The following ABCC4 variants were observed in gnomAD, a reference collection of about 807,000 sequenced individuals.
The protein encoded by ABCC4 is ATP binding cassette subfamily C member 4 (PEL blood group).
ABCC4 carries 102 observed loss-of-function variants against 168.5 expected under a neutral mutation model. The observed-to-expected ratio is 0.61, with a 90% CI of 0.52 to 0.71. ABCC4 has a LOEUF of 0.71. ABCC4 is among the 30% of genes least tolerant of loss of function. ABCC4 has a pLI of 0.00. For missense variants in ABCC4, 1,402 were observed against 1,605.8 expected (o/e 0.87, Z 2.17); for synonymous variants, 617 against 590.7 (o/e 1.04, Z -0.65).
chr13:95,130,786 T>C (rs989204305), intron 19 of ABCC4, among the ~76,000 whole-genome samples: 1 of 152,176 alleles, frequency 6.6e-6, no homozygotes, highest in African/African-American at 2.4e-5. Flanking sequence ...CAGCTGACAA[T>C]TACCAATTTG....
At chr13:95,148,039 G>A (rs894654477) in intron 19 of ABCC4, among the ~76,000 whole-genome samples, 1 of 151,640 alleles carries the variant, frequency 6.6e-6, no homozygotes, top group Non-Finnish European at 1.5e-5. Context: ...ATTTTTCTTT[G>A]CATCCAGGAA....
chr13:95,180,122 G>A lies in ABCC4; in HGVS notation c.1546-2031C>T, dbSNP rs772451151. On this transcript the variant is annotated intron_variant, in intron 11 of 30. Coordinates refer to ENST00000645237, the MANE Select transcript of ABCC4 (RefSeq NM_005845.5). ...CCTGGCAGCCCACTAAGACACACAG[G>A]AGTCCCCTAATACTCCAATCTGAAC... Among the ~76,000 whole-genome samples the A allele has an allele frequency of 1.6e-4, 24 of 152,128 alleles. 1 individual carries two copies. Among genetic ancestry groups the A allele is most frequent in the Non-Finnish European group, 2.4e-4 (16 of 68,022 alleles).
intron 1 of ABCC4, among the ~76,000 whole-genome samples, chr13:95,266,799 T>C (rs1469457152): frequency 1.3e-5 from 2 of 150,200 alleles, no homozygotes; most frequent in East Asian, 3.9e-4. Context: ...CCAGCTGATA[T>C]GGTTTGGTTG....
chr13:95,237,613 T>A (rs2039809930), intron 3 of ABCC4, among the ~76,000 whole-genome samples: 2 of 152,148 alleles, frequency 1.3e-5, no homozygotes, highest in African/African-American at 4.8e-5. Flanking sequence ...TGAAGGCAGA[T>A]ACTTCTCAAT....
At chr13:95,121,522 C>T (rs921949973) in intron 19 of ABCC4, among the ~76,000 whole-genome samples, 2 of 151,240 alleles carry the variant, frequency 1.3e-5, no homozygotes, top group Non-Finnish European at 2.9e-5. Flanking sequence ...GATCCTCCTG[C>T]CTCAGCCTCC....
At chr13:95,095,721 T>C (rs2139359980) in intron 20 of ABCC4, 1 of 153,964 alleles carries the variant, frequency 6.5e-6, no homozygotes, top group African/African-American at 2.4e-5. Context: ...GACACTGAAA[T>C]AGATACAGAT....
Position 95,218,379 on chromosome 13 carries a change from G to A in ABCC4, c.532-7598C>T, listed in dbSNP as rs930872856. On this transcript the variant is annotated intron_variant, in intron 4 of 30. Coordinates refer to ENST00000645237, the MANE Select transcript of ABCC4 (RefSeq NM_005845.5). ...GTAAACATGATGGGTGACTACCAAA[G>A]TCACATTCCTTCTCTAATTCTGTAA... Among the ~76,000 whole-genome samples, 4 of 152,184 alleles carry A rather than the reference G, an allele frequency of 2.6e-5. 1 individual carries two copies. In the South Asian group the frequency reaches 8.3e-4, roughly 31 times the overall value.
At chr13:95,221,304 C>A (rs1277025514) in intron 4 of ABCC4, among the ~76,000 whole-genome samples, 2 of 152,320 alleles carry the variant, frequency 1.3e-5, no homozygotes, top group Admixed American at 1.3e-4. Context: ...TCATGGCTCA[C>A]TGAAGCCTCA....
In ABCC4 at chr13:95,282,219, T is replaced by TG. The variant is rs78897816; in HGVS notation, c.74+19021dup. On this transcript the variant is annotated intron_variant, in intron 1 of 30. Coordinates refer to ENST00000645237, the MANE Select transcript of ABCC4 (RefSeq NM_005845.5). Reference sequence around the variant, plus strand: ...GATCAGGACTCCAACATGCGAACTTTGGGGGGACATAATTCAGCCCGTAAT... The same window carrying TG: ...GATCAGGACTCCAACATGCGAACTTTGGGGGGGACATAATTCAGCCCGTAAT... Among the ~76,000 whole-genome samples the TG allele has an allele frequency of 7.8e-4, 118 of 151,988 alleles. 1 individual carries two copies. In the East Asian group the frequency reaches 0.018, roughly 23 times the overall value.
intron 3 of ABCC4, among the ~76,000 whole-genome samples, chr13:95,241,366 G>A (rs201360626): frequency 1.7e-4 from 24 of 145,382 alleles, no homozygotes; most frequent in African/African-American, 1.5e-4. Flanking sequence ...TCCATCTCAG[G>A]AAAAAAAAAA....
In ABCC4 at chr13:95,186,736, A is replaced by G; in HGVS notation, c.1510T>C (p.Tyr504His). 3 of 1,614,058 alleles carry G rather than the reference A, an allele frequency of 1.9e-6. No individual in the cohort carries two copies. Among genetic ancestry groups the G allele is most frequent in the Non-Finnish European group, 1.7e-6 (2 of 1,179,958 alleles). ...LFGKKYEKERYEKVIKACALK... is the reference protein window; with the variant it reads ...LFGKKYEKERHEKVIKACALK... ...GCACAAGCCTTTATGACTTTTTCAT[A>G]TCGTTCCTTTTCGTATTTCTTCCCA... is the stretch of plus-strand genomic sequence containing the variant. The change falls in exon 11 of 31, where the codon TAT becomes CAT. Residue 504 changes from tyrosine to histidine, a missense_variant. Tyr to His is a moderately conservative substitution (Grantham distance 83). Around this residue, in one of 3 missense-constraint regions of ABCC4, gnomAD observed 1,007 missense variants for 1,127.3 expected, o/e 0.89. Coordinates refer to ENST00000645237, the MANE Select transcript of ABCC4 (RefSeq NM_005845.5).
chr13:95,144,488 A>C (rs769369051), intron 19 of ABCC4, among the ~76,000 whole-genome samples: 1 of 152,188 alleles, frequency 6.6e-6, no homozygotes, highest in Non-Finnish European at 1.5e-5. Context: ...ATGATTCTAT[A>C]CCTGGAAAAC....
rs1394530639 is a variant in ABCC4, at chr13:95,291,009, A to AAAAAAAAAAAAG, written c.74+10231_74+10232insCTTTTTTTTTTT. ...CAAGACCCTGTCTCAAAAAAAAAAA[A>AAAAAAAAAAAAG]AGAGGAAACCATGCCAAATGACTTT... On this transcript the variant is annotated intron_variant, in intron 1 of 30. Coordinates refer to ENST00000645237, the MANE Select transcript of ABCC4 (RefSeq NM_005845.5). Among the ~76,000 whole-genome samples the AAAAAAAAAAAAG allele has an allele frequency of 1.9e-4, 23 of 123,462 alleles. 1 individual carries two copies. Among genetic ancestry groups the AAAAAAAAAAAAG allele is most frequent in the Admixed American group, 5.1e-4 (5 of 9,872 alleles). 81.0% of individuals were successfully genotyped at this position (123,462 alleles called of 152,430 possible). A position where few individuals can be genotyped will look rare whatever the true frequency, so the allele number is the denominator to read the frequency against.
chr13:95,254,788 G>A (rs1217671961), intron 1 of ABCC4, among the ~76,000 whole-genome samples: 1 of 136,898 alleles, frequency 7.3e-6, no homozygotes, highest in East Asian at 2.2e-4. Context: ...GTCAACATTA[G>A]AAGGGCTATT....
intron 19 of ABCC4, among the ~76,000 whole-genome samples, chr13:95,138,700 CTCTTAATAGGT>C (rs941483237): frequency 3.9e-5 from 6 of 152,280 alleles, no homozygotes; most frequent in Admixed American, 3.3e-4. Flanking sequence ...CCTATTTTTA[CTCTTAATAGGT>C]TCCCTGATGA....
intron 21 of ABCC4, among the ~76,000 whole-genome samples, chr13:95,076,772 T>A (rs768760944): frequency 1.9e-4 from 29 of 150,788 alleles, no homozygotes; most frequent in Non-Finnish European, 3.0e-4. Flanking sequence ...GCCTGTTGGG[T>A]TTTTTAGAAA....
chr13:95,091,473 G>A (rs2034432431), intron 20 of ABCC4, among the ~76,000 whole-genome samples: 1 of 152,204 alleles, frequency 6.6e-6, no homozygotes, highest in African/African-American at 2.4e-5. Context: ...TAAGCTAGAA[G>A]GGATTGGGGC....
intron 4 of ABCC4, among the ~76,000 whole-genome samples, chr13:95,225,153 T>TCACACA (rs61398515): frequency 4.3e-4 from 15 of 35,260 alleles, no homozygotes; most frequent in Admixed American, 8.5e-4. Context: ...TCTCTCTCTC[T>TCACACA]CACACACACA....
chr13:95,036,342 T>G (rs929312623), intron 29 of ABCC4, among the ~76,000 whole-genome samples: 1 of 152,204 alleles, frequency 6.6e-6, no homozygotes, highest in Non-Finnish European at 1.5e-5. Flanking sequence ...ACATAATGTT[T>G]AATGGAAAGG....
Sources: gnomAD v4.1 joint callset for allele counts (sites outside exome capture counted in the v4.1 genomes callset) on GRCh38, gnomAD v4.1.1 for gene constraint, gnomAD v4.1.1 regional missense constraint, MANE v1.5 for transcripts, NCBI Gene and HGNC (gene_info 2026-07-23, HGNC 2026-07-21) for gene names.